The following ADGRL3 variants were observed in gnomAD, a reference collection of about 807,000 sequenced individuals.
ADGRL3 encodes the protein calcium-independent alpha-latrotoxin receptor 3.
A neutral mutation model predicts 153.5 loss-of-function variants in ADGRL3; 62 were observed. The observed-to-expected ratio is 0.40, with a 90% CI of 0.33 to 0.50. The LOEUF is 0.50. ADGRL3 is among the 20% of genes least tolerant of loss of function. ADGRL3 has a pLI of 0.47. For missense variants in ADGRL3, 1,641 were observed against 1,859.4 expected (o/e 0.88, Z 2.16); for synonymous variants, 710 against 672.5 (o/e 1.06, Z -0.86).
At chr4:61,467,406 C>G (rs2152656885) in intron 2 of ADGRL3, among the ~76,000 whole-genome samples, 1 of 151,516 alleles carries the variant, frequency 6.6e-6, no homozygotes. Context: ...GTCTGATACT[C>G]TAGAAATATA....
intron 9 of ADGRL3, among the ~76,000 whole-genome samples, chr4:61,882,200 A>G (rs1179197985): frequency 6.6e-6 from 1 of 152,230 alleles, no homozygotes. Context: ...ATGGAACTAT[A>G]GAAGAATTTG....
At chr4:62,047,428 A>G (rs1300180713) in intron 25 of ADGRL3, among the ~76,000 whole-genome samples, 1 of 152,144 alleles carries the variant, frequency 6.6e-6, no homozygotes, top group Admixed American at 6.5e-5. Context: ...TAAAGAATAC[A>G]TCATGCAGTG....
chr4:61,537,914 G>A (rs1162743989), intron 4 of ADGRL3, among the ~76,000 whole-genome samples: 2 of 151,766 alleles, frequency 1.3e-5, no homozygotes, highest in African/African-American at 2.4e-5. Context: ...CCTTCCCATC[G>A]ATCTCATCAA....
intron 4 of ADGRL3, among the ~76,000 whole-genome samples, chr4:61,538,281 G>A (rs116468184): frequency 2.4e-3 from 371 of 151,748 alleles, no homozygotes; most frequent in African/African-American, 4.8e-3. Context: ...TATTGTCTAC[G>A]TAGTGGCTTT....
chr4:61,307,509 T>A (rs1382295166), intron 1 of ADGRL3, among the ~76,000 whole-genome samples: 3 of 152,290 alleles, frequency 2.0e-5, no homozygotes, highest in Admixed American at 6.5e-5. Flanking sequence ...ATTACTTTTT[T>A]AAATTATATT....
intron 17 of ADGRL3, among the ~76,000 whole-genome samples, chr4:61,955,643 G>C (rs1419904457): frequency 6.6e-6 from 1 of 152,046 alleles, no homozygotes. Flanking sequence ...TGCCATGGTA[G>C]TTTTCTGTAC....
intron 9 of ADGRL3, among the ~76,000 whole-genome samples, chr4:61,861,471 G>A (rs1317878622): frequency 6.6e-6 from 1 of 152,046 alleles, no homozygotes; most frequent in East Asian, 2.0e-4. Flanking sequence ...ATGCTTGATT[G>A]AGCAACAATC....
chr4:61,686,643 C>G (rs1424420183), intron 6 of ADGRL3, among the ~76,000 whole-genome samples: 2 of 152,050 alleles, frequency 1.3e-5, no homozygotes, highest in Non-Finnish European at 1.5e-5. Flanking sequence ...ATGGTAAGAA[C>G]ATTCAAAATA....
At chr4:61,577,540 G>A (rs1359773242) in intron 4 of ADGRL3, among the ~76,000 whole-genome samples, 1 of 151,974 alleles carries the variant, frequency 6.6e-6, no homozygotes, top group Admixed American at 6.6e-5. Flanking sequence ...GCCAGATGAG[G>A]TGGCTTGCCC....
At chr4:61,254,360 T>C (rs1228954253) in intron 1 of ADGRL3, among the ~76,000 whole-genome samples, 2 of 152,174 alleles carry the variant, frequency 1.3e-5, no homozygotes, top group Non-Finnish European at 2.9e-5. Flanking sequence ...AACCTCACAT[T>C]ATTTTTTAAG....
At chr4:62,028,555 G>A (rs1720179853) in intron 21 of ADGRL3, among the ~76,000 whole-genome samples, 1 of 151,692 alleles carries the variant, frequency 6.6e-6, no homozygotes, top group Admixed American at 6.6e-5. Context: ...CTAGAGAAAT[G>A]TGATCTCTAA....
chr4:61,513,277 T>C (rs2098473269), intron 3 of ADGRL3, among the ~76,000 whole-genome samples: 1 of 152,178 alleles, frequency 6.6e-6, no homozygotes. Flanking sequence ...AAAAAAATTA[T>C]AAATCAGTAT....
At chr4:61,547,040 G>T (rs1175844892) in intron 4 of ADGRL3, among the ~76,000 whole-genome samples, 1 of 152,156 alleles carries the variant, frequency 6.6e-6, no homozygotes, top group Non-Finnish European at 1.5e-5. Flanking sequence ...TATTCTGAGA[G>T]AATCAATTAG....
At chr4:61,271,717 C>T (rs1366987669) in intron 1 of ADGRL3, among the ~76,000 whole-genome samples, 1 of 151,966 alleles carries the variant, frequency 6.6e-6, no homozygotes, top group African/African-American at 2.4e-5. Flanking sequence ...TGTAAATGAC[C>T]TTTCACAGAA....
chr4:61,683,572 G>A (rs2095384296), intron 6 of ADGRL3, among the ~76,000 whole-genome samples: 1 of 152,006 alleles, frequency 6.6e-6, no homozygotes, highest in Admixed American at 6.6e-5. Context: ...GTACAAAAAA[G>A]GTTAAAGTGA....
intron 8 of ADGRL3, among the ~76,000 whole-genome samples, chr4:61,773,168 G>A (rs896879122): frequency 2.0e-5 from 3 of 152,094 alleles, no homozygotes; most frequent in African/African-American, 4.8e-5. Flanking sequence ...TTGTCCAGGT[G>A]GATAATACCG....
At chr4:61,950,065 A>G (rs968013994) in intron 17 of ADGRL3, among the ~76,000 whole-genome samples, 5 of 152,190 alleles carry the variant, frequency 3.3e-5, no homozygotes, top group Non-Finnish European at 7.4e-5. Flanking sequence ...AACTAACACT[A>G]CTTAGCTTTC....
Position 61,497,312 on chromosome 4 carries a change from C to G in ADGRL3, c.19C>G (p.Leu7Val). Residue 7 changes from leucine (L) to valine (V), a missense_variant, in exon 3 of 27, where the codon CTA (leucine) becomes GTA (valine). Leu to Val is a conservative substitution (Grantham distance 32). Around this residue, in one of 5 missense-constraint regions of ADGRL3, gnomAD observed 145 missense variants for 79.1 expected, o/e 1.83. Transcript: ENST00000683033. ...GACAGCCATGTGGCCATCGCAGCTA[C>G]TAATTTTCATGATGCTCTTAGCTCC... Reference protein sequence around the residue: MWPSQLLIFMMLLAPII... With the variant: MWPSQLVIFMMLLAPII... 2 of 1,606,246 alleles carry G rather than the reference C, an allele frequency of 1.2e-6. No homozygotes were observed. The highest frequency in any genetic ancestry group is 1.7e-6 in the Non-Finnish European group (2 of 1,177,280).
chr4:61,708,550 TC>T (rs1218879427), intron 6 of ADGRL3, among the ~76,000 whole-genome samples: 1 of 152,068 alleles, frequency 6.6e-6, no homozygotes, highest in African/African-American at 2.4e-5. Flanking sequence ...TTATTTTTTT[TC>T]CAACTTTTAT....
Sources: allele counts gnomAD v4.1 joint callset (sites outside exome capture counted in the v4.1 genomes callset), GRCh38; gene constraint gnomAD v4.1.1; regional missense constraint gnomAD v4.1.1; transcripts MANE v1.5; gene names NCBI Gene and HGNC (gene_info 2026-07-23, HGNC 2026-07-21).